STK25: variants seen among roughly 807,000 people sequenced by gnomAD.
STK25 encodes the protein serine/threonine kinase 25.
Under a neutral mutation model 53.8 loss-of-function variants are expected in STK25, and 29 were observed. The observed-to-expected ratio is 0.54, with a 90% confidence interval of 0.40 to 0.74. The LOEUF (loss-of-function observed/expected upper bound fraction) is 0.74. Among genes scored for constraint, STK25 ranks in the 30% least tolerant of loss-of-function variants. STK25 has a pLI of 0.00. For missense variants in STK25, 420 were observed against 568.0 expected (o/e 0.74, Z 2.65); for synonymous variants, 247 against 238.3 (o/e 1.04, Z -0.33).
intron 4 of STK25, 59 bp from the exon 5 acceptor site, chr2:241,500,340 TTC>T: frequency 8.2e-7 from 1 of 1,226,604 alleles, no homozygotes; most frequent in Non-Finnish European, 1.2e-6. Context: ...AATGCCTGAG[TTC>T]TCTGCCTCTC....
In STK25 at chr2:241,501,112, C is replaced by A; in HGVS notation, c.262-316G>T. 1 of 553,388 alleles carries A rather than the reference C, an allele frequency of 1.8e-6. No homozygotes were observed. The highest frequency in any genetic ancestry group is 3.3e-6 in the Non-Finnish European group (1 of 307,022). 34.3% of individuals were successfully genotyped at this position (553,388 alleles called of 1,614,324 possible). On this transcript the variant is annotated intron_variant, in intron 3 of 11. Coordinates refer to ENST00000316586, the MANE Select transcript of STK25 (RefSeq NM_001271977.2). The surrounding 1 kb of genome is among the most constrained non-coding windows in gnomAD (Gnocchi z 5.3). ...GGGCATGGCTGGCAAGCATGTGACC[C>A]GACACACCCATCACCCTCCTGGGCA...
intron 1 of STK25, 93 bp downstream of exon 1, chr2:241,508,350 G>A: frequency 1.3e-6 from 1 of 771,594 alleles, no homozygotes; most frequent in Non-Finnish European, 1.7e-6. Context: ...CGGTGCCCCC[G>A]CCCCGGTGTC....
chr2:241,501,649 C>G lies in STK25; in HGVS notation c.90G>C (p.Ser30=). Residue 30 remains serine, a synonymous_variant, in exon 3 of 12, where the codon TCG becomes TCC. Coordinates refer to ENST00000316586, the MANE Select transcript of STK25 (RefSeq NM_001271977.2). This position sits in a 1 kb window ranked among gnomAD's most constrained non-coding sequence, Gnocchi z 5.3. ...FTKLDRIGKG[S]FGEVYKGIDN... ...CGATGCCCTTGTAGACCTCCCCAAA[C>G]GAGCCCTTGCCAATGCGGTCGAGCT... 1.2e-6 allele frequency: 2 copies of G among 1,614,076 alleles called. No homozygotes were observed.
At chr2:241,503,016 G>C (rs1348507218) in intron 2 of STK25, among the ~76,000 whole-genome samples, 2 of 152,166 alleles carry the variant, frequency 1.3e-5, no homozygotes. Flanking sequence ...TGTGGCCCAG[G>C]CCCAGAGTCC....
Position 241,496,273 on chromosome 2 carries a change from C to A in STK25, c.1241+125G>T. Reference sequence around the variant, plus strand: ...AAGAGGATGCCACGCCGCGCCTTCCCAGAGTGAAGCGAGCCCATGTAGTGC... The same window carrying A: ...AAGAGGATGCCACGCCGCGCCTTCCAAGAGTGAAGCGAGCCCATGTAGTGC... On this transcript the variant is annotated intron_variant, in intron 11 of 11. Coordinates refer to ENST00000316586, the MANE Select transcript of STK25 (RefSeq NM_001271977.2). This position sits in a 1 kb window ranked among gnomAD's most constrained non-coding sequence, Gnocchi z 5.8. The A allele has an allele frequency of 8.1e-7, 1 of 1,241,118 alleles. No homozygotes were observed. Among genetic ancestry groups the A allele is most frequent in the Non-Finnish European group, 1.1e-6 (1 of 883,692 alleles). The allele number at this position is 1,241,118 out of a possible 1,614,324, so 76.9% of individuals were successfully genotyped here.
intron 2 of STK25, among the ~76,000 whole-genome samples, chr2:241,503,696 CAAAAA>C (rs60021706): frequency 3.0e-5 from 3 of 100,278 alleles, no homozygotes; most frequent in South Asian, 8.8e-4. Flanking sequence ...GACTCCGTCT[CAAAAA>C]AAAAAAAAAA....
In STK25 at chr2:241,495,522, TG is replaced by T; in HGVS notation, c.*139del. 1.2e-6 allele frequency: 1 copy of T among 835,588 alleles called. No homozygotes were observed. Among genetic ancestry groups the T allele is most frequent in the Non-Finnish European group, 2.0e-6 (1 of 503,392 alleles). The allele number at this position is 835,588 out of a possible 1,614,324, so 51.8% of individuals were successfully genotyped here. A position where few individuals can be genotyped will look rare whatever the true frequency, so the allele number is the denominator to read the frequency against. On this transcript the variant is annotated 3_prime_UTR_variant, in exon 12 of 12. Coordinates refer to ENST00000316586, the MANE Select transcript of STK25 (RefSeq NM_001271977.2). ...GGAAGGAGACGGTGACCTGGTGACCTGGCATGTGAGGCCCACGGGATCCGAC... is the reference window on the plus strand; with the variant it reads ...GGAAGGAGACGGTGACCTGGTGACCTGCATGTGAGGCCCACGGGATCCGAC...
intron 8 of STK25, 112 bp from the exon 9 acceptor site, chr2:241,498,461 C>G (rs1353630270): frequency 3.1e-6 from 4 of 1,272,574 alleles, no homozygotes; most frequent in Admixed American, 2.5e-5. Flanking sequence ...CGGGGCTCTG[C>G]CAGGCCACGG....
chr2:241,499,857 A>G, intron 5 of STK25: 1 of 482,756 alleles, frequency 2.1e-6, no homozygotes, highest in Non-Finnish European at 3.9e-6. Context: ...CAGCAGGGCC[A>G]GACCACACGC....
In STK25 at chr2:241,493,021, C is replaced by G; in HGVS notation, c.*2641G>C. 6.3e-7 allele frequency: 1 copy of G among 1,594,264 alleles called. No homozygotes were observed. The highest frequency in any genetic ancestry group is 8.6e-7 in the Non-Finnish European group (1 of 1,161,854). ...TCTTTACCAACTTCTGTTTGTTCTT[C>G]TACAAAACTCATCAGGTACTGGAGT... On this transcript the variant is annotated 3_prime_UTR_variant, in exon 12 of 12. Transcript: ENST00000316586.
rs372234903 is a variant in STK25, at chr2:241,496,364, G to A, written c.1241+34C>T. ...CCACGTCCAGCTTCTTGGTGGGGGT[G>A]CTCTCCCCGACCCTATGGCACGGCC... On this transcript the variant is annotated intron_variant, in intron 11 of 11. Coordinates refer to ENST00000316586, the MANE Select transcript of STK25 (RefSeq NM_001271977.2). The surrounding 1 kb of genome is among the most constrained non-coding windows in gnomAD (Gnocchi z 5.8). 4.8e-5 allele frequency: 76 copies of A among 1,591,854 alleles called. No homozygotes were observed. The highest frequency in any genetic ancestry group is 6.0e-5 in the Non-Finnish European group (70 of 1,165,162).
chr2:241,499,647 G>C, intron 5 of STK25: 1 of 604,630 alleles, frequency 1.7e-6, no homozygotes, highest in Non-Finnish European at 2.9e-6. Flanking sequence ...TCCTGCATTT[G>C]GCTTTTACGA....
chr2:241,493,365 C>T lies in STK25; in HGVS notation c.*2297G>A. On this transcript the variant is annotated 3_prime_UTR_variant, in exon 12 of 12. Coordinates refer to ENST00000316586, the MANE Select transcript of STK25 (RefSeq NM_001271977.2). ...CATCCCCAGGGAGGCCGATGGCATA[C>T]ACAAAGACTATGTTTTCAAGCTCCA... 1 of 1,614,000 alleles carries T rather than the reference C, an allele frequency of 6.2e-7. No individual in the cohort carries two copies. Among genetic ancestry groups the T allele is most frequent in the Non-Finnish European group, 8.5e-7 (1 of 1,179,960 alleles).
rs2065148132 is a variant in STK25, at chr2:241,496,251, A to C, written c.1241+147T>G. 2.1e-6 allele frequency: 2 copies of C among 932,078 alleles called. No homozygotes were observed. Among genetic ancestry groups the C allele is most frequent in the South Asian group, 1.6e-5 (1 of 63,828 alleles). The allele number at this position is 932,078 out of a possible 1,614,324, so 57.7% of individuals were successfully genotyped here. A position where few individuals can be genotyped will look rare whatever the true frequency, so the allele number is the denominator to read the frequency against. ...TGTGAGCTGGGTCCAAACAAGGAAG[A>C]GGATGCCACGCCGCGCCTTCCCAGA... On this transcript the variant is annotated intron_variant, in intron 11 of 11. Coordinates refer to ENST00000316586, the MANE Select transcript of STK25 (RefSeq NM_001271977.2). This position sits in a 1 kb window ranked among gnomAD's most constrained non-coding sequence, Gnocchi z 5.8.
At chr2:241,504,856 C>T (rs1487390190) in intron 2 of STK25, among the ~76,000 whole-genome samples, 1 of 152,138 alleles carries the variant, frequency 6.6e-6, no homozygotes, top group Non-Finnish European at 1.5e-5. Context: ...TGGAGGACCA[C>T]CCGTTCCTAG....
rs777697109 is a variant in STK25, at chr2:241,496,570, A to AG, written c.1105-37dup. The AG allele has an allele frequency of 6.3e-7, 1 of 1,599,020 alleles. No individual in the cohort carries two copies. The highest frequency in any genetic ancestry group is 8.5e-7 in the Non-Finnish European group (1 of 1,169,608). ...ACCACCACGCCTGACCCTGGACCCC[A>AG]GGACAGGCCTTCAGGGAGCCTGCTC... is the stretch of plus-strand genomic sequence containing the variant. On this transcript the variant is annotated intron_variant, in intron 10 of 11. Transcript: ENST00000316586. This position sits in a 1 kb window ranked among gnomAD's most constrained non-coding sequence, Gnocchi z 5.8.
chr2:241,507,322 C>T (rs1188195076), intron 2 of STK25, among the ~76,000 whole-genome samples: 1 of 152,310 alleles, frequency 6.6e-6, no homozygotes, highest in African/African-American at 2.4e-5. Flanking sequence ...TAAGGGCTCG[C>T]CGTAGTGGCT....
chr2:241,501,965 C>T lies in STK25; in HGVS notation c.31-257G>A, dbSNP rs1266297077. ...GGTGGATCACTTGAGGTCAGGAGTT[C>T]GAGACCAGCCTGGCCAGCATGGTGA... On this transcript the variant is annotated intron_variant, in intron 2 of 11. Coordinates refer to ENST00000316586, the MANE Select transcript of STK25 (RefSeq NM_001271977.2). The surrounding 1 kb of genome is among the most constrained non-coding windows in gnomAD (Gnocchi z 5.3). 2.2e-5 allele frequency: 9 copies of T among 405,924 alleles called. No homozygotes were observed. The highest frequency in any genetic ancestry group is 7.2e-5 in the South Asian group (3 of 41,536). 25.1% of individuals were successfully genotyped at this position (405,924 alleles called of 1,614,324 possible). A position where few individuals can be genotyped will look rare whatever the true frequency, so the allele number is the denominator to read the frequency against.
In STK25 at chr2:241,496,321, T is replaced by C. The variant is rs571641304; in HGVS notation, c.1241+77A>G. 6 of 1,535,734 alleles carry C rather than the reference T, an allele frequency of 3.9e-6. No individual in the cohort carries two copies. The South Asian group carries it at 4.7e-5, about 12-fold the overall frequency. On this transcript the variant is annotated intron_variant, in intron 11 of 11. Transcript: ENST00000316586. The surrounding 1 kb of genome is among the most constrained non-coding windows in gnomAD (Gnocchi z 5.8). ...TGCCAAATGCAGCCACACCCACGAG[T>C]GAGCACTGGACCTCACCCCACGTCC...
Sources: allele counts gnomAD v4.1 joint callset (sites outside exome capture counted in the v4.1 genomes callset), GRCh38; gene constraint gnomAD v4.1.1; non-coding constraint Gnocchi (gnomAD v3.1); transcripts MANE v1.5; gene names NCBI Gene and HGNC (gene_info 2026-07-23, HGNC 2026-07-21).